The following REC114 variants were observed in gnomAD, a reference collection of about 807,000 sequenced individuals.
The protein encoded by REC114 is REC114 meiotic recombination protein.
In REC114, 27 loss-of-function variants were observed where a neutral mutation model predicts 31.3. The observed-to-expected ratio is 0.86, with a 90% CI of 0.64 to 1.19. The LOEUF (loss-of-function observed/expected upper bound fraction) is 1.19, where lower values mean the gene tolerates loss of function less well. REC114 is among the 50% of genes most tolerant of loss of function. The probability of loss-of-function intolerance (pLI) is 0.00; values close to 1 mark genes in which losing one functional copy is unlikely to be tolerated. For missense variants in REC114, 344 were observed against 326.9 expected (o/e 1.05, Z -0.40); for synonymous variants, 134 against 127.7 (o/e 1.05, Z -0.33).
intron 2 of REC114, among the ~76,000 whole-genome samples, chr15:73,530,567 G>C (rs1894064772): frequency 1.3e-5 from 2 of 152,142 alleles, no homozygotes; most frequent in South Asian, 4.1e-4. Context: ...AGGACTGCTT[G>C]AGCCCAGGAG....
At chr15:73,502,529 G>A (rs1428566881) in intron 2 of REC114, among the ~76,000 whole-genome samples, 1 of 152,124 alleles carries the variant, frequency 6.6e-6, no homozygotes, top group African/African-American at 2.4e-5. Flanking sequence ...TCATAAGGAA[G>A]AGAAAATACA....
At chr15:73,443,913 T>A (rs1431360748) in intron 1 of REC114, among the ~76,000 whole-genome samples, 2 of 152,236 alleles carry the variant, frequency 1.3e-5, no homozygotes, top group Admixed American at 1.3e-4. Flanking sequence ...TCAGAAATAT[T>A]GGGATTCGGT....
chr15:73,547,024 C>T lies in REC114; in HGVS notation c.334-3914C>T, dbSNP rs999037866. ...CTGGGCAAAAATTTCTTCAGTAATA[C>T]CCCACAAGTGTAGACAACCAAAGCA... On this transcript the variant is annotated intron_variant, in intron 3 of 5. Coordinates refer to ENST00000331090, the MANE Select transcript of REC114 (RefSeq NM_001042367.2). Among the ~76,000 whole-genome samples the T allele has an allele frequency of 2.0e-5, 3 of 152,152 alleles. No homozygotes were observed. In the East Asian group the frequency reaches 5.8e-4, roughly 29 times the overall value.
chr15:73,469,964 A>G (rs1341072700), intron 1 of REC114, among the ~76,000 whole-genome samples: 1 of 152,116 alleles, frequency 6.6e-6, no homozygotes, highest in African/African-American at 2.4e-5. Flanking sequence ...TTTGACTAGC[A>G]TTAGCTTGGT....
chr15:73,514,202 A>G (rs1273362605), intron 2 of REC114, among the ~76,000 whole-genome samples: 2 of 150,390 alleles, frequency 1.3e-5, no homozygotes, highest in African/African-American at 4.9e-5. Flanking sequence ...GAGTGACCCG[A>G]TTTTCCAGGT....
At chr15:73,482,722 G>A (rs893917461) in intron 2 of REC114, among the ~76,000 whole-genome samples, 1 of 152,064 alleles carries the variant, frequency 6.6e-6, no homozygotes, top group African/African-American at 2.4e-5. Flanking sequence ...ACTACATTTT[G>A]TTTACTGATT....
At chr15:73,459,725 A>G (rs1307621394) in intron 1 of REC114, among the ~76,000 whole-genome samples, 1 of 152,196 alleles carries the variant, frequency 6.6e-6, no homozygotes, top group African/African-American at 2.4e-5. Context: ...ACCAACTGTC[A>G]TGGGCAGAAG....
At position 73,496,928 on chromosome 15, in the gene REC114, ATT is replaced by A. The variant is rs200017479; in HGVS notation, c.249+23021_249+23022del. Among the ~76,000 whole-genome samples the A allele has an allele frequency of 5.2e-4, 70 of 133,848 alleles. 1 individual carries two copies. Among genetic ancestry groups the A allele is most frequent in the African/African-American group, 1.6e-3 (60 of 37,068 alleles). 87.8% of individuals were successfully genotyped at this position (133,848 alleles called of 152,430 possible). On this transcript the variant is annotated intron_variant, in intron 2 of 5. Transcript: ENST00000331090. ...CATCTGGGATAGCTCCTCAGTCTTT[ATT>A]TTTTTTTTTTTTTAATAACTTTGAC...
At chr15:73,531,545 C>G (rs1406551821) in intron 2 of REC114, among the ~76,000 whole-genome samples, 1 of 152,070 alleles carries the variant, frequency 6.6e-6, no homozygotes, top group Non-Finnish European at 1.5e-5. Flanking sequence ...TGGCCACTGC[C>G]CCTCAGGCTG....
intron 2 of REC114, among the ~76,000 whole-genome samples, chr15:73,524,379 A>G (rs1179260393): frequency 6.6e-6 from 1 of 152,214 alleles, no homozygotes; most frequent in Admixed American, 6.5e-5. Flanking sequence ...GTGGCAGACA[A>G]TCCACATCAG....
Position 73,443,287 on chromosome 15 carries a change from C to T in REC114, c.102C>T (p.Thr34=). The T allele has an allele frequency of 1.3e-6, 2 of 1,582,468 alleles. No homozygotes were observed. The highest frequency in any genetic ancestry group is 2.3e-5 in the South Asian group (2 of 86,164). The change falls in exon 1 of 6, where the codon ACC becomes ACT. Residue 34 remains threonine (T), a synonymous_variant. Coordinates refer to ENST00000331090, the MANE Select transcript of REC114 (RefSeq NM_001042367.2). ...QRYARCIPSN[T]RDPPGPCLEA... is the part of the protein sequence containing the mutation. Reference sequence around the variant, plus strand: ...ACGCCCGCTGCATACCCTCAAACACCAGAGACCCACCTGGGCCATGCCTGG... The same window carrying T: ...ACGCCCGCTGCATACCCTCAAACACTAGAGACCCACCTGGGCCATGCCTGG...
chr15:73,454,099 C>G (rs1389213281), intron 1 of REC114, among the ~76,000 whole-genome samples: 1 of 151,244 alleles, frequency 6.6e-6, no homozygotes, highest in Admixed American at 6.6e-5. Flanking sequence ...CACATGTACC[C>G]CAGAACTTAA....
chr15:73,469,550 C>T (rs1426542490), intron 1 of REC114, among the ~76,000 whole-genome samples: 1 of 152,104 alleles, frequency 6.6e-6, no homozygotes, highest in Non-Finnish European at 1.5e-5. Flanking sequence ...CTGCTTCAGC[C>T]TCCCAAGCAG....
At chr15:73,465,886 C>T (rs554593505) in intron 1 of REC114, among the ~76,000 whole-genome samples, 2 of 152,282 alleles carry the variant, frequency 1.3e-5, no homozygotes, top group East Asian at 3.9e-4. Context: ...GAGTCTCGCT[C>T]TGTCACCCAG....
intron 3 of REC114, among the ~76,000 whole-genome samples, chr15:73,541,437 T>C (rs1894236092): frequency 6.6e-6 from 1 of 152,254 alleles, no homozygotes; most frequent in Non-Finnish European, 1.5e-5. Flanking sequence ...ACTAGATCTT[T>C]ATTATCAAAT....
intron 2 of REC114, chr15:73,483,268 C>CTG: frequency 6.7e-6 from 1 of 150,366 alleles, no homozygotes; most frequent in Non-Finnish European, 1.4e-5. Flanking sequence ...TTTTGAGCTG[C>CTG]CGCTGCTGCT....
rs58815458 is a variant in REC114, at chr15:73,539,457, CTTT to C, written c.250-1006_250-1004del. Among the ~76,000 whole-genome samples the C allele has an allele frequency of 1.9e-3, 199 of 104,284 alleles. 1 individual carries two copies. Among genetic ancestry groups the C allele is most frequent in the African/African-American group, 8.1e-3 (189 of 23,220 alleles). 68.4% of individuals were successfully genotyped at this position (104,284 alleles called of 152,430 possible). On this transcript the variant is annotated intron_variant, in intron 2 of 5. Transcript: ENST00000331090. ...AGGCACCTGCCACCACGCCCGGCTA[CTTT>C]TTTTTTTTTTTTTTTTTTTTTAAGG...
intron 1 of REC114, among the ~76,000 whole-genome samples, chr15:73,454,186 G>T (rs984441060): frequency 3.3e-5 from 5 of 152,180 alleles, no homozygotes; most frequent in Non-Finnish European, 1.5e-5. Flanking sequence ...ACAGAGAGTT[G>T]AGAAGCACCC....
rs961910555 is a variant in REC114, at chr15:73,502,778, TCA to T, written c.249+28858_249+28859del. Among the ~76,000 whole-genome samples, 74 of 152,220 alleles carry T rather than the reference TCA, an allele frequency of 4.9e-4. 1 individual carries two copies. The highest frequency in any genetic ancestry group is 1.2e-4 in the Non-Finnish European group (8 of 68,036). On this transcript the variant is annotated intron_variant, in intron 2 of 5. Coordinates refer to ENST00000331090, the MANE Select transcript of REC114 (RefSeq NM_001042367.2). ...AAGTAAGTTTTAGTGCTAAAATTGT[TCA>T]GAGCATAAATATTTGAAAATTTTAT...
Sources: allele counts gnomAD v4.1 joint callset (sites outside exome capture counted in the v4.1 genomes callset), GRCh38; gene constraint gnomAD v4.1.1; transcripts MANE v1.5; gene names NCBI Gene and HGNC (gene_info 2026-07-23, HGNC 2026-07-21).